AFF2: variants seen among roughly 807,000 people sequenced by gnomAD.
The protein encoded by AFF2 is ALF transcription elongation factor 2.
A neutral mutation model predicts 76.9 loss-of-function variants in AFF2; 14 were observed. The observed-to-expected ratio is 0.18, with a 90% CI of 0.12 to 0.28. AFF2 has a LOEUF of 0.28. AFF2 is among the 10% of genes least tolerant of loss of function. The pLI is 1.00. For missense variants in AFF2, 868 were observed against 1,001.1 expected (o/e 0.87, Z 1.79); for synonymous variants, 398 against 366.7 (o/e 1.09, Z -0.98).
At chrX:148,716,976 G>C (rs1557263405) in intron 3 of AFF2, among the ~76,000 whole-genome samples, 1 of 111,860 alleles carries the variant, frequency 8.9e-6, no homozygotes, top group Non-Finnish European at 1.9e-5. Flanking sequence ...CTAAGTGCTA[G>C]AGGAAAAAAA....
chrX:148,562,627 A>G (rs1217836744), intron 1 of AFF2, among the ~76,000 whole-genome samples: 2 of 112,323 alleles, frequency 1.8e-5, no homozygotes, highest in African/African-American at 6.5e-5. Flanking sequence ...GGTCAGCTTA[A>G]CTATTCCAAA....
chrX:148,722,370 G>A (rs1397296784), intron 3 of AFF2, among the ~76,000 whole-genome samples: 1 of 110,954 alleles, frequency 9.0e-6, no homozygotes, highest in African/African-American at 3.3e-5. Context: ...TGATATTTGG[G>A]GTTGCACTGG....
In AFF2 at chrX:148,585,855, AAAG is replaced by A. The variant is rs1263283751; in HGVS notation, c.48-66141_48-66139del. ...GACTGCGTCTCAAAAAAAAAAAAAA[AAAG>A]AAAAAGAAAAGACTGAGTAAACCAG... On this transcript the variant is annotated intron_variant, in intron 1 of 20. Coordinates refer to ENST00000370460, the MANE Select transcript of AFF2 (RefSeq NM_002025.4). Among the ~76,000 whole-genome samples, 13 of 101,851 alleles carry A rather than the reference AAAG, an allele frequency of 1.3e-4. 1 individual carries two copies. In the South Asian group the frequency reaches 3.5e-3, roughly 27 times the overall value. The allele number at this position is 101,851 out of a possible 115,157, so 88.4% of individuals were successfully genotyped here.
chrX:148,501,113 T>A lies in AFF2; in HGVS notation c.16T>A (p.Phe6Ile). MDLFD[F>I]FRDWDLEQQC... The stretch of plus-strand genomic sequence containing the variant: ...CCTGGCCGCTATGGATCTATTCGAC[T>A]TTTTCAGAGACTGGGACTTGGAGCA... Residue 6 changes from phenylalanine (F) to isoleucine (I), a missense_variant, in exon 1 of 21, where the codon TTT (phenylalanine) becomes ATT (isoleucine). This residue lies in a region of AFF2 where 196 missense variants were observed against 194.8 expected (regional missense o/e 1.01). Transcript: ENST00000370460. 8.3e-7 allele frequency: 1 copy of A among 1,210,796 alleles called. No individual in the cohort carries two copies.
chrX:148,785,154 C>A (rs1243232917), intron 3 of AFF2, among the ~76,000 whole-genome samples: 1 of 112,225 alleles, frequency 8.9e-6, no homozygotes, highest in Non-Finnish European at 1.9e-5. Context: ...CAGAGTCACA[C>A]AGAAACTAGT....
chrX:148,851,373 C>G (rs1450187503), intron 7 of AFF2, among the ~76,000 whole-genome samples: 1 of 112,501 alleles, frequency 8.9e-6, no homozygotes, highest in South Asian at 3.7e-4. Flanking sequence ...TTGACATCTA[C>G]AAATATGCTG....
At chrX:148,580,333 A>T (rs1162501472) in intron 1 of AFF2, among the ~76,000 whole-genome samples, 5 of 111,381 alleles carry the variant, frequency 4.5e-5, no homozygotes, top group African/African-American at 1.6e-4. Flanking sequence ...CAGCCCATCC[A>T]CCTTTTGTAA....
intron 3 of AFF2, among the ~76,000 whole-genome samples, chrX:148,747,377 G>T (rs1237185399): frequency 9.0e-6 from 1 of 111,434 alleles, no homozygotes; most frequent in African/African-American, 3.3e-5. Flanking sequence ...TATATATTAT[G>T]CCCATTAAAA....
intron 3 of AFF2, among the ~76,000 whole-genome samples, chrX:148,766,259 A>G (rs1291405791): frequency 9.1e-6 from 1 of 109,635 alleles, no homozygotes; most frequent in Non-Finnish European, 1.9e-5. Flanking sequence ...TTCTAGTTCT[A>G]GATCCCTGAG....
intron 3 of AFF2, among the ~76,000 whole-genome samples, chrX:148,750,309 C>G (rs1557266401): frequency 9.0e-6 from 1 of 111,268 alleles, no homozygotes; most frequent in Non-Finnish European, 1.9e-5. Context: ...CCTATGCAGT[C>G]GTCTTTTCTG....
chrX:148,881,684 T>G (rs2071098335), intron 7 of AFF2, among the ~76,000 whole-genome samples: 1 of 111,246 alleles, frequency 9.0e-6, no homozygotes, highest in Non-Finnish European at 1.9e-5. Context: ...TGGGGCCTGA[T>G]TCCTCTGCCA....
chrX:148,555,939 G>A (rs1248989325), intron 1 of AFF2, among the ~76,000 whole-genome samples: 1 of 112,199 alleles, frequency 8.9e-6, no homozygotes, highest in African/African-American at 3.2e-5. Flanking sequence ...CACACGAGGT[G>A]AATTTTCCTA....
At chrX:148,936,041 T>A (rs1417446736) in intron 9 of AFF2, among the ~76,000 whole-genome samples, 2 of 111,588 alleles carry the variant, frequency 1.8e-5, no homozygotes, top group African/African-American at 6.5e-5. Flanking sequence ...ATGTACTTTT[T>A]TTGACTGGAA....
chrX:148,725,946 TA>T (rs2055149997), intron 3 of AFF2, among the ~76,000 whole-genome samples: 2 of 112,016 alleles, frequency 1.8e-5, no homozygotes, highest in African/African-American at 6.5e-5. Flanking sequence ...GTTGAAGGGC[TA>T]TAGGCCAGTT....
chrX:148,638,338 C>T (rs2054052968), intron 1 of AFF2, among the ~76,000 whole-genome samples: 1 of 110,965 alleles, frequency 9.0e-6, no homozygotes, highest in South Asian at 3.8e-4. Context: ...GGAAGCAAGG[C>T]ATGTCTTACA....
At chrX:148,543,181 G>T (rs2052879984) in intron 1 of AFF2, among the ~76,000 whole-genome samples, 1 of 111,449 alleles carries the variant, frequency 9.0e-6, no homozygotes, top group South Asian at 3.8e-4. Flanking sequence ...CCCAATGTCA[G>T]GTGCCAGCCA....
intron 3 of AFF2, among the ~76,000 whole-genome samples, chrX:148,769,631 G>A (rs1425490456): frequency 9.0e-6 from 1 of 110,754 alleles, no homozygotes; most frequent in Admixed American, 9.6e-5. Context: ...TTCGCTCTGG[G>A]GTCTTTAGTT....
intron 3 of AFF2, among the ~76,000 whole-genome samples, chrX:148,684,740 G>C (rs1424781550): frequency 1.8e-5 from 2 of 112,366 alleles, no homozygotes; most frequent in African/African-American, 6.5e-5. Flanking sequence ...CACCCCAGTA[G>C]CTAAATTGAG....
At chrX:148,795,872 T>TAGATATATAC (rs58337451) in intron 3 of AFF2, among the ~76,000 whole-genome samples, 1 of 33,677 alleles carries the variant, frequency 3.0e-5, no homozygotes, top group Non-Finnish European at 6.1e-5. Flanking sequence ...TATATATATA[T>TAGATATATAC]ACACACCTAA....
Sources: gnomAD v4.1 joint callset for allele counts (sites outside exome capture counted in the v4.1 genomes callset) on GRCh38, gnomAD v4.1.1 for gene constraint, gnomAD v4.1.1 regional missense constraint, MANE v1.5 for transcripts, NCBI Gene and HGNC (gene_info 2026-07-23, HGNC 2026-07-21) for gene names.